The following TRIM29 variants were observed in gnomAD, a reference collection of about 807,000 sequenced individuals.
TRIM29 encodes tripartite motif-containing protein 29.
A neutral mutation model predicts 57.3 loss-of-function variants in TRIM29; 52 were observed. The ratio of observed to expected loss-of-function variants is 0.91; its 90% CI spans 0.73 to 1.14. The LOEUF (loss-of-function observed/expected upper bound fraction) is 1.14, where lower values mean the gene tolerates loss of function less well. Among genes scored for constraint, TRIM29 ranks in the 50% most tolerant of loss-of-function variants. TRIM29 has a pLI of 0.00. For synonymous variants in TRIM29, 319 were observed against 316.9 expected (o/e 1.01, Z -0.07); for missense variants, 753 against 774.6 (o/e 0.97, Z 0.33).
chr11:120,128,293 G>A, intron 2 of TRIM29, 107 bp downstream of exon 2: 1 of 859,506 alleles, frequency 1.2e-6, no homozygotes, highest in South Asian at 1.6e-5. Flanking sequence ...GAAACATATT[G>A]GGATGTCTAC....
chr11:120,135,526 T>G (rs1014236923), intron 1 of TRIM29, among the ~76,000 whole-genome samples: 3 of 152,156 alleles, frequency 2.0e-5, no homozygotes, highest in African/African-American at 7.2e-5. Flanking sequence ...ATGAGGATGA[T>G]TGCCTCTTGT....
rs766575244 is a variant in TRIM29, at chr11:120,122,958, G to C, written c.1431C>G (p.Pro477=). 9 of 1,613,552 alleles carry C rather than the reference G, an allele frequency of 5.6e-6. No individual in the cohort carries two copies. The highest frequency in any genetic ancestry group is 7.6e-6 in the Non-Finnish European group (9 of 1,179,668). The change falls in exon 5 of 9, where the codon CCC becomes CCG. Residue 477 remains proline (P), a synonymous_variant. Coordinates refer to ENST00000341846, the MANE Select transcript of TRIM29 (RefSeq NM_012101.4). ...TMKRYSMYLT[P]KGGVRTSYQP... ...GGGTGAGGGGCTCCCTCTTACCTTT[G>C]GGTGTCAGGTACATGGAGTATCTCT...
intron 1 of TRIM29, chr11:120,128,918 C>T: frequency 7.1e-7 from 1 of 1,405,402 alleles, no homozygotes; most frequent in Non-Finnish European, 9.3e-7. Flanking sequence ...TGTCTCGTGG[C>T]AGTAACAGTG....
chr11:120,137,138 C>T lies in TRIM29; in HGVS notation c.804+90G>A, dbSNP rs892800204. 2.8e-6 allele frequency: 4 copies of T among 1,442,926 alleles called. No individual in the cohort carries two copies. The highest frequency in any genetic ancestry group is 1.3e-5 in the South Asian group (1 of 79,660). 89.4% of individuals were successfully genotyped at this position (1,442,926 alleles called of 1,614,324 possible). A position where few individuals can be genotyped will look rare whatever the true frequency, so the allele number is the denominator to read the frequency against. On this transcript the variant is annotated intron_variant, in intron 1 of 8. Coordinates refer to ENST00000341846, the MANE Select transcript of TRIM29 (RefSeq NM_012101.4). This position sits in a 1 kb window ranked among gnomAD's most constrained non-coding sequence, Gnocchi z 6.2. ...GACAGTAGAAACTTAAGCCCCAAAC[C>T]CGAGGAAGCCCGAGTGGAGAAGATG...
At chr11:120,114,877 T>C (rs1385283492) in intron 8 of TRIM29, among the ~76,000 whole-genome samples, 1 of 152,094 alleles carries the variant, frequency 6.6e-6, no homozygotes, top group African/African-American at 2.4e-5. Context: ...TATTCCCGAC[T>C]TTCCAGTCTC....
intron 3 of TRIM29, among the ~76,000 whole-genome samples, chr11:120,126,661 C>T (rs969978093): frequency 6.6e-6 from 1 of 152,202 alleles, no homozygotes; most frequent in Non-Finnish European, 1.5e-5. Flanking sequence ...GCCTCCAAGA[C>T]CCAGTTCAAA....
chr11:120,114,373 T>A (rs1863213774), intron 8 of TRIM29, among the ~76,000 whole-genome samples: 1 of 152,192 alleles, frequency 6.6e-6, no homozygotes, highest in African/African-American at 2.4e-5. Context: ...CACGATCACT[T>A]AGCTCCCATC....
At chr11:120,120,478 T>G in intron 6 of TRIM29, 95 bp downstream of exon 6, 1 of 1,133,184 alleles carries the variant, frequency 8.8e-7, no homozygotes, top group Non-Finnish European at 1.3e-6. Flanking sequence ...CACACTGGGG[T>G]CCCAGCCCTG....
intron 1 of TRIM29, among the ~76,000 whole-genome samples, chr11:120,136,809 AGAAGAAGAAGAG>A (rs1863824822): frequency 6.6e-6 from 1 of 151,764 alleles, no homozygotes; most frequent in Non-Finnish European, 1.5e-5. Flanking sequence ...AAAAAATAAA[AGAAGAAGAAGAG>A]GAGGAAGAAG....
chr11:120,114,538 A>G (rs11606047), intron 8 of TRIM29, among the ~76,000 whole-genome samples: 5,636 of 152,316 alleles, frequency 0.037, 154 homozygotes, highest in Non-Finnish European at 0.059. Flanking sequence ...TGCCATCCAC[A>G]TGCCACGGCA....
intron 1 of TRIM29, among the ~76,000 whole-genome samples, chr11:120,134,208 T>C (rs558255546): frequency 6.6e-6 from 1 of 152,214 alleles, no homozygotes; most frequent in South Asian, 2.1e-4. Context: ...GGTGCTGTCA[T>C]GTTGCCGCAC....
chr11:120,127,302 C>T (rs756351068), intron 3 of TRIM29, 34 bp downstream of exon 3: 6 of 1,596,574 alleles, frequency 3.8e-6, no homozygotes, highest in East Asian at 2.2e-5. Context: ...ATTGTGAAAT[C>T]GAGGGCTTGA....
intron 1 of TRIM29, 93 bp from the exon 2 acceptor site, chr11:120,128,588 C>T (rs1434471946): frequency 5.9e-5 from 89 of 1,508,422 alleles, no homozygotes; most frequent in Non-Finnish European, 7.5e-5. Context: ...GGGGCACACT[C>T]GCAGCCAGGG....
At chr11:120,117,054 G>A (rs1315278079) in intron 7 of TRIM29, 9 of 439,940 alleles carry the variant, frequency 2.0e-5, no homozygotes, top group Non-Finnish European at 3.6e-5. Context: ...GGTTTTCCCA[G>A]TGCCTGCTGG....
At chr11:120,136,098 G>T (rs575648277) in intron 1 of TRIM29, among the ~76,000 whole-genome samples, 1 of 152,088 alleles carries the variant, frequency 6.6e-6, no homozygotes, top group Non-Finnish European at 1.5e-5. Flanking sequence ...ACACACTTAC[G>T]TATCACATAT....
intron 1 of TRIM29, among the ~76,000 whole-genome samples, chr11:120,134,904 G>A (rs1238261383): frequency 2.0e-5 from 3 of 152,172 alleles, no homozygotes; most frequent in Admixed American, 6.5e-5. Flanking sequence ...CTGTTGGCCC[G>A]GCATTCTGTC....
chr11:120,125,423 C>G (rs1254229117), intron 4 of TRIM29: 1 of 499,138 alleles, frequency 2.0e-6, no homozygotes, highest in Non-Finnish European at 3.6e-6. Context: ...GGACAACCCA[C>G]AGAGAGGAGG....
At chr11:120,129,063 C>T in intron 1 of TRIM29, 1 of 503,524 alleles carries the variant, frequency 2.0e-6, no homozygotes, top group Non-Finnish European at 3.1e-6. Flanking sequence ...GCAGTTTTGG[C>T]AAGACGGAGA....
intron 4 of TRIM29, chr11:120,125,450 G>T (rs999250065): frequency 2.6e-5 from 14 of 532,080 alleles, no homozygotes; most frequent in Middle Eastern, 5.0e-4. Flanking sequence ...TGGAGCCAGT[G>T]CCCAGGATGT....
Sources: allele counts gnomAD v4.1 joint callset (sites outside exome capture counted in the v4.1 genomes callset), GRCh38; gene constraint gnomAD v4.1.1; non-coding constraint Gnocchi (gnomAD v3.1); transcripts MANE v1.5; gene names NCBI Gene and HGNC (gene_info 2026-07-23, HGNC 2026-07-21).